Variants in BACH2 observed in about 807,000 individuals in gnomAD.
The protein encoded by BACH2 is transcription regulator protein BACH2.
A neutral mutation model predicts 61.8 loss-of-function variants in BACH2; 5 were observed. The ratio of observed to expected loss-of-function variants is 0.08; its 90% CI spans 0.04 to 0.17. The LOEUF (loss-of-function observed/expected upper bound fraction) is 0.17, where lower values mean the gene tolerates loss of function less well. Ranked by LOEUF, BACH2 falls within the 10% of genes least tolerant of loss-of-function variation. BACH2 has a pLI of 1.00. For synonymous variants in BACH2, 446 were observed against 440.1 expected (o/e 1.01, Z -0.17); for missense variants, 824 against 1,091.1 (o/e 0.76, Z 3.45).
intron 3 of BACH2, among the ~76,000 whole-genome samples, chr6:90,239,905 G>C (rs1435512603): frequency 6.8e-6 from 1 of 146,716 alleles, no homozygotes; most frequent in Non-Finnish European, 1.5e-5. Flanking sequence ...CCACATACAA[G>C]AATTAGCCAA....
intron 5 of BACH2, among the ~76,000 whole-genome samples, chr6:90,068,760 A>G (rs550346039): frequency 1.3e-5 from 2 of 152,182 alleles, no homozygotes; most frequent in East Asian, 3.9e-4. Context: ...TGGGAGAAAA[A>G]CCAGAAGAAA....
intron 3 of BACH2, among the ~76,000 whole-genome samples, chr6:90,219,247 A>G (rs2127855163): frequency 6.6e-6 from 1 of 152,228 alleles, no homozygotes; most frequent in South Asian, 2.1e-4. Flanking sequence ...TAGGTTGGCA[A>G]TGTAATGACA....
intron 4 of BACH2, among the ~76,000 whole-genome samples, chr6:90,144,541 G>T (rs2127827919): frequency 6.6e-6 from 1 of 152,332 alleles, no homozygotes; most frequent in South Asian, 2.1e-4. Flanking sequence ...GGAGATCCTG[G>T]CTGGGCCTGC....
chr6:89,964,035 A>G (rs936386099), intron 6 of BACH2, among the ~76,000 whole-genome samples: 3 of 152,148 alleles, frequency 2.0e-5, no homozygotes, highest in Non-Finnish European at 4.4e-5. Context: ...GAAGGTGAAT[A>G]TCACACTCTG....
At chr6:90,232,367 T>G (rs953014932) in intron 3 of BACH2, among the ~76,000 whole-genome samples, 1 of 152,232 alleles carries the variant, frequency 6.6e-6, no homozygotes. Context: ...TGAAATTCCC[T>G]TTAGCTGACA....
At chr6:90,219,867 G>A (rs1441265284) in intron 3 of BACH2, among the ~76,000 whole-genome samples, 2 of 151,966 alleles carry the variant, frequency 1.3e-5, no homozygotes, top group Non-Finnish European at 2.9e-5. Flanking sequence ...GTCTCACACA[G>A]GATGACATAC....
intron 3 of BACH2, among the ~76,000 whole-genome samples, chr6:90,210,326 C>T (rs962686374): frequency 5.3e-5 from 8 of 151,266 alleles, no homozygotes; most frequent in African/African-American, 1.9e-4. Context: ...CACACACACA[C>T]ACACACACAC....
intron 4 of BACH2, among the ~76,000 whole-genome samples, chr6:90,166,517 A>T (rs1163601730): frequency 6.6e-6 from 1 of 152,226 alleles, no homozygotes; most frequent in Non-Finnish European, 1.5e-5. Context: ...GGGATCCAGA[A>T]CTAGAAATAC....
At chr6:90,082,686 T>C (rs547170547) in intron 5 of BACH2, among the ~76,000 whole-genome samples, 1 of 152,340 alleles carries the variant, frequency 6.6e-6, no homozygotes, top group Admixed American at 6.5e-5. Flanking sequence ...TTCAATTTTC[T>C]GCTATTTTAT....
chr6:90,039,470 C>T (rs1582247135), intron 5 of BACH2, among the ~76,000 whole-genome samples: 1 of 152,078 alleles, frequency 6.6e-6, no homozygotes, highest in African/African-American at 2.4e-5. Flanking sequence ...GTGCAATGTC[C>T]GCGTCCCAGG....
At chr6:90,087,619 C>A (rs953771926) in intron 5 of BACH2, among the ~76,000 whole-genome samples, 1 of 152,194 alleles carries the variant, frequency 6.6e-6, no homozygotes, top group Non-Finnish European at 1.5e-5. Flanking sequence ...AACACCACAA[C>A]ATGATGATTC....
intron 4 of BACH2, among the ~76,000 whole-genome samples, chr6:90,091,304 C>A (rs759404636): frequency 5.3e-5 from 8 of 152,018 alleles, no homozygotes; most frequent in African/African-American, 1.9e-4. Flanking sequence ...TATATTGACA[C>A]GGGGAAGGCT....
intron 4 of BACH2, among the ~76,000 whole-genome samples, chr6:90,143,289 G>A (rs893974865): frequency 2.0e-5 from 3 of 152,080 alleles, no homozygotes; most frequent in African/African-American, 7.2e-5. Context: ...TAGTAACATC[G>A]ATGACAATAT....
chr6:90,164,157 A>G (rs1767516799), intron 4 of BACH2, among the ~76,000 whole-genome samples: 1 of 152,244 alleles, frequency 6.6e-6, no homozygotes, highest in African/African-American at 2.4e-5. Flanking sequence ...CAACATTGAT[A>G]GACTGCTAGC....
rs1299545444 is a variant in BACH2 at position 89,931,658 on chromosome 6, A to G, written c.*750T>C. On this transcript the variant is annotated 3_prime_UTR_variant, in exon 9 of 9. Coordinates refer to ENST00000257749, the MANE Select transcript of BACH2 (RefSeq NM_021813.4). ...AACAAAAAACAAACCTACAATGCTC[A>G]AATGACACCACTTGGAGGTGCCAAA... is the stretch of plus-strand genomic sequence containing the variant. The G allele has an allele frequency of 6.5e-6, 1 of 152,704 alleles. No homozygotes were observed. The highest frequency in any genetic ancestry group is 6.5e-5 in the Admixed American group (1 of 15,276). The allele number at this position is 152,704 out of a possible 1,614,324, so 9.5% of individuals were successfully genotyped here.
chr6:90,002,806 C>T (rs1777206027), intron 6 of BACH2, among the ~76,000 whole-genome samples: 1 of 152,202 alleles, frequency 6.6e-6, no homozygotes, highest in South Asian at 2.1e-4. Flanking sequence ...ACTCCCAATT[C>T]TACCCGAGTC....
Position 89,940,964 on chromosome 6 carries a change from A to T in BACH2, c.1837-2614T>A, listed in dbSNP as rs79242388. Among the ~76,000 whole-genome samples, 610 of 152,182 alleles carry T rather than the reference A, an allele frequency of 4.0e-3. 5 individuals carry two copies. Among genetic ancestry groups the T allele is most frequent in the African/African-American group, 0.014 (581 of 41,522 alleles). ...GGGCTCAACAGCCACGTGCAGCATG[A>T]GGCAAATGGACTGGACAGTGCCACT... On this transcript the variant is annotated intron_variant, in intron 7 of 8. Transcript: ENST00000257749.
intron 5 of BACH2, among the ~76,000 whole-genome samples, chr6:90,077,607 G>A (rs1003697135): frequency 1.3e-5 from 2 of 152,090 alleles, no homozygotes; most frequent in African/African-American, 2.4e-5. Context: ...TCTGGGACAG[G>A]GATGGTAGGA....
intron 5 of BACH2, among the ~76,000 whole-genome samples, chr6:90,033,121 G>A (rs891916759): frequency 2.0e-5 from 3 of 151,192 alleles, no homozygotes; most frequent in African/African-American, 4.9e-5. Context: ...AAAACCAAAC[G>A]CTGCATGTTC....
Sources: gnomAD v4.1 joint callset for allele counts (sites outside exome capture counted in the v4.1 genomes callset) on GRCh38, gnomAD v4.1.1 for gene constraint, MANE v1.5 for transcripts, NCBI Gene and HGNC (gene_info 2026-07-23, HGNC 2026-07-21) for gene names.